CASP4: variants seen among roughly 807,000 people sequenced by gnomAD.
The protein encoded by CASP4 is caspase-4.
A neutral mutation model predicts 41.3 loss-of-function variants in CASP4; 29 were observed. That is an observed-to-expected ratio of 0.70 (90% CI 0.52 to 0.96). The LOEUF is 0.96. Ranked by LOEUF, CASP4 falls within the 40% of genes least tolerant of loss-of-function variation. The pLI, the probability that CASP4 is intolerant of heterozygous loss-of-function variation, is 0.00. For synonymous variants in CASP4, 185 were observed against 158.4 expected, an observed-to-expected ratio of 1.17 and a Z score of -1.26; for missense variants, 447 against 460.6, an observed-to-expected ratio of 0.97 and a Z score of 0.27.
At chr11:104,951,135 C>T (rs372455137) in intron 3 of CASP4, 37 bp from the exon 4 acceptor site, 187 of 1,590,430 alleles carry the variant, frequency 1.2e-4, no homozygotes, top group Non-Finnish European at 1.6e-4. Context: ...TTAATTTACT[C>T]AAGTCTCCTT....
At chr11:104,962,690 A>G (rs765196253) in intron 1 of CASP4, among the ~76,000 whole-genome samples, 1 of 152,144 alleles carries the variant, frequency 6.6e-6, no homozygotes, top group Non-Finnish European at 1.5e-5. Context: ...CCAGCCCTAA[A>G]AATTTTTCTT....
At chr11:104,947,420 T>A in intron 6 of CASP4, 1 of 306,548 alleles carries the variant, frequency 3.3e-6, no homozygotes, top group Non-Finnish European at 6.0e-6. Flanking sequence ...TGCAAGAGAT[T>A]GTGTATTGAA....
chr11:104,948,680 T>C lies in CASP4; in HGVS notation c.782-4A>G. 1 of 1,587,260 alleles carries C rather than the reference T, an allele frequency of 6.3e-7. No individual in the cohort carries two copies. Among genetic ancestry groups the C allele is most frequent in the African/African-American group, 1.3e-5 (1 of 74,486 alleles). On this transcript the variant is annotated splice_polypyrimidine_tract_variant and splice_region_variant and intron_variant, in intron 5 of 8. Transcript: ENST00000444739. ...ACCCACAGTTCCCCACGGTTTGCTATGGAGACATTAACTTTCTGCACACTG... is the reference window on the plus strand; with the variant it reads ...ACCCACAGTTCCCCACGGTTTGCTACGGAGACATTAACTTTCTGCACACTG...
At chr11:104,948,705 G>C in intron 5 of CASP4, 29 bp from the exon 6 acceptor site, 1 of 1,544,030 alleles carries the variant, frequency 6.5e-7, no homozygotes, top group Middle Eastern at 1.7e-4. Flanking sequence ...TCTGCACACT[G>C]CTGTGCCTCC....
At chr11:104,960,440 GTAGCATTTT>G (rs1860833346) in intron 1 of CASP4, among the ~76,000 whole-genome samples, 1 of 151,398 alleles carries the variant, frequency 6.6e-6, no homozygotes, top group African/African-American at 2.4e-5. Context: ...TCTCCTTAGA[GTAGCATTTT>G]TTTTCCATTT....
chr11:104,963,794 A>G (rs1252173779), intron 1 of CASP4, among the ~76,000 whole-genome samples: 3 of 152,168 alleles, frequency 2.0e-5, no homozygotes, highest in African/African-American at 7.2e-5. Flanking sequence ...CTTCTCCAGT[A>G]GTATTTCCTT....
chr11:104,959,554 G>C (rs1164127066), intron 1 of CASP4, among the ~76,000 whole-genome samples: 1 of 152,126 alleles, frequency 6.6e-6, no homozygotes, highest in South Asian at 2.1e-4. Context: ...TCAAATTTAT[G>C]GATTCAGCCC....
chr11:104,964,065 G>A (rs1355315372), intron 1 of CASP4, among the ~76,000 whole-genome samples: 1 of 152,032 alleles, frequency 6.6e-6, no homozygotes, highest in Admixed American at 6.6e-5. Flanking sequence ...TACATTATTA[G>A]TAATTATAAT....
intron 3 of CASP4, 200 bp from the exon 4 acceptor site, chr11:104,951,298 A>G: frequency 4.4e-6 from 2 of 457,098 alleles, no homozygotes; most frequent in South Asian, 8.8e-5. Context: ...AATCTTGAGG[A>G]AACTAGATAA....
intron 6 of CASP4, chr11:104,947,406 G>A (rs1371065233): frequency 2.9e-6 from 1 of 347,600 alleles, no homozygotes; most frequent in Non-Finnish European, 5.2e-6. Context: ...CAGTTGGTAA[G>A]CATTGCAAGA....
rs544138102 is a variant in CASP4, at chr11:104,948,746, G to T, written c.782-70C>A. On this transcript the variant is annotated intron_variant, in intron 5 of 8. Coordinates refer to ENST00000444739, the MANE Select transcript of CASP4 (RefSeq NM_001225.4). ...AATGGCTGTCACAGTTGCCCACCTT[G>T]TTCTTTTTGAATGTTCATTCTTACT... The T allele has an allele frequency of 2.8e-6, 4 of 1,416,098 alleles. No individual in the cohort carries two copies. In the Admixed American group the frequency reaches 6.4e-5, roughly 23 times the overall value. The allele number at this position is 1,416,098 out of a possible 1,614,324, so 87.7% of individuals were successfully genotyped here. A position where few individuals can be genotyped will look rare whatever the true frequency, so the allele number is the denominator to read the frequency against.
At chr11:104,963,174 C>A (rs1860899999) in intron 1 of CASP4, among the ~76,000 whole-genome samples, 2 of 152,116 alleles carry the variant, frequency 1.3e-5, no homozygotes, top group Admixed American at 6.5e-5. Flanking sequence ...ATTTAAAAGA[C>A]CTTTATGTTT....
intron 6 of CASP4, 71 bp from the exon 7 acceptor site, chr11:104,947,263 A>T: frequency 2.1e-6 from 2 of 954,724 alleles, no homozygotes; most frequent in Non-Finnish European, 3.1e-6. Flanking sequence ...TTTTGTTTTG[A>T]GAATGTTTTT....
At chr11:104,945,154 A>G (rs1410785433) in intron 7 of CASP4, among the ~76,000 whole-genome samples, 1 of 152,132 alleles carries the variant, frequency 6.6e-6, no homozygotes, top group Admixed American at 6.5e-5. Context: ...CTTGAAAACT[A>G]TTCATGAAAA....
At chr11:104,966,136 C>A (rs1205379143) in intron 1 of CASP4, among the ~76,000 whole-genome samples, 2 of 152,230 alleles carry the variant, frequency 1.3e-5, no homozygotes, top group Non-Finnish European at 2.9e-5. Flanking sequence ...GTGAATTACT[C>A]TTACGCCATT....
chr11:104,944,490 C>T, intron 8 of CASP4: 2 of 379,800 alleles, frequency 5.3e-6, no homozygotes, highest in Non-Finnish European at 9.7e-6. Flanking sequence ...AATTACTATC[C>T]TTGGTTTTTC....
intron 7 of CASP4, chr11:104,946,492 A>G (rs1275721521): frequency 5.9e-5 from 9 of 152,198 alleles, no homozygotes. Flanking sequence ...ATGGAGAAAA[A>G]TAACATAGGA....
intron 3 of CASP4, chr11:104,951,565 C>T: frequency 2.8e-6 from 1 of 351,634 alleles, no homozygotes. Context: ...AGAGTGCAAC[C>T]AATTACAAGT....
Position 104,942,925 on chromosome 11 carries a change from A to T in CASP4, c.*54T>A, listed in dbSNP as rs1565361853. The T allele has an allele frequency of 2.2e-6, 1 of 456,074 alleles. No individual in the cohort carries two copies. 28.3% of individuals were successfully genotyped at this position (456,074 alleles called of 1,614,324 possible). Reference sequence around the variant, plus strand: ...GTTAAATATGCAAGCTGTACTAATGAAGGTGCTCCTTGAAGTTGATTAAGG... The same window carrying T: ...GTTAAATATGCAAGCTGTACTAATGTAGGTGCTCCTTGAAGTTGATTAAGG... On this transcript the variant is annotated 3_prime_UTR_variant, in exon 9 of 9. Transcript: ENST00000444739.
Sources: gnomAD v4.1 joint callset for allele counts (sites outside exome capture counted in the v4.1 genomes callset) on GRCh38, gnomAD v4.1.1 for gene constraint, MANE v1.5 for transcripts, NCBI Gene and HGNC (gene_info 2026-07-23, HGNC 2026-07-21) for gene names.